MAF: variants seen among roughly 807,000 people sequenced by gnomAD.
The protein encoded by MAF is MAF bZIP transcription factor.
Under a neutral mutation model 22.0 loss-of-function variants are expected in MAF, and 10 were observed. The observed-to-expected ratio is 0.45, with a 90% CI of 0.28 to 0.77. The LOEUF (loss-of-function observed/expected upper bound fraction) is 0.77, where lower values mean the gene tolerates loss of function less well. MAF is among the 30% of genes least tolerant of loss of function. The pLI is 0.12. For missense variants in MAF, 544 were observed against 548.4 expected (o/e 0.99, Z 0.08); for synonymous variants, 337 against 255.8 (o/e 1.32, Z -3.03).
chr16:79,298,925 A>T, the MAF span, among the ~76,000 whole-genome samples: 22 of 152,338 alleles, frequency 1.4e-4, no homozygotes, highest in African/African-American at 5.1e-4. Context: ...GTTGGGAAGC[A>T]TTGTGTGGTA....
At chr16:79,505,925 G>T in the MAF span, among the ~76,000 whole-genome samples, 8 of 151,520 alleles carry the variant, frequency 5.3e-5, no homozygotes, top group Non-Finnish European at 1.2e-4. Flanking sequence ...AAAGAACAAT[G>T]GATAGAAGGA....
At chr16:79,374,597 T>C in the MAF span, among the ~76,000 whole-genome samples, 2 of 152,168 alleles carry the variant, frequency 1.3e-5, no homozygotes, top group East Asian at 1.9e-4. Flanking sequence ...GATGATGCTA[T>C]TATAGGACTG....
At chr16:79,506,606 G>A in the MAF span, among the ~76,000 whole-genome samples, 1 of 152,174 alleles carries the variant, frequency 6.6e-6, no homozygotes, top group Admixed American at 6.5e-5. Flanking sequence ...AGGGGCCAGA[G>A]AGGAAGGCCA....
the MAF span, among the ~76,000 whole-genome samples, chr16:79,464,259 G>C: frequency 9.8e-5 from 15 of 152,292 alleles, no homozygotes; most frequent in African/African-American, 3.4e-4. Context: ...CCAGAGGCCA[G>C]ACAGGTAAAT....
At chr16:79,308,486 T>A in the MAF span, among the ~76,000 whole-genome samples, 1 of 151,984 alleles carries the variant, frequency 6.6e-6, no homozygotes, top group Non-Finnish European at 1.5e-5. Flanking sequence ...GAAAAGGTAT[T>A]TGCCCCCATG....
At chr16:79,543,338 C>T in the MAF span, among the ~76,000 whole-genome samples, 1 of 152,162 alleles carries the variant, frequency 6.6e-6, no homozygotes, top group Non-Finnish European at 1.5e-5. Context: ...GACACCATGA[C>T]CCTGGTCAAG....
At chr16:79,556,064 T>A in the MAF span, among the ~76,000 whole-genome samples, 3 of 152,182 alleles carry the variant, frequency 2.0e-5, no homozygotes, top group African/African-American at 7.2e-5. Context: ...GATTTGTTTA[T>A]AATATATTTA....
the MAF span, among the ~76,000 whole-genome samples, chr16:79,483,303 A>G: frequency 8.2e-6 from 1 of 121,944 alleles, no homozygotes; most frequent in Non-Finnish European, 1.7e-5. Context: ...ACTATGCATT[A>G]AGACCTCTGT....
At chr16:79,403,739 A>G in the MAF span, among the ~76,000 whole-genome samples, 2 of 152,188 alleles carry the variant, frequency 1.3e-5, no homozygotes, top group East Asian at 1.9e-4. Flanking sequence ...GCAACCTAAC[A>G]TAGGAAAAAC....
the MAF span, among the ~76,000 whole-genome samples, chr16:79,476,928 G>A: frequency 1.8e-4 from 27 of 152,090 alleles, no homozygotes; most frequent in African/African-American, 5.8e-4. Flanking sequence ...TGAGAGTCGC[G>A]TTATCATCCA....
At chr16:79,460,372 A>G in the MAF span, among the ~76,000 whole-genome samples, 2 of 152,328 alleles carry the variant, frequency 1.3e-5, no homozygotes, top group East Asian at 3.9e-4. Flanking sequence ...TCCCGACAAT[A>G]TGTATTAAAT....
At chr16:79,476,327 G>A in the MAF span, among the ~76,000 whole-genome samples, 1 of 152,314 alleles carries the variant, frequency 6.6e-6, no homozygotes, top group African/African-American at 2.4e-5. Context: ...ATAAAACTGT[G>A]GGATAATATA....
At chr16:79,206,668 C>G in the MAF span, 14 of 151,980 alleles carry the variant, frequency 9.2e-5, no homozygotes, top group African/African-American at 3.4e-4. Context: ...CATCTCTGTT[C>G]TCGTCTGCTG....
At chr16:79,468,404 TG>T in the MAF span, among the ~76,000 whole-genome samples, 7 of 152,168 alleles carry the variant, frequency 4.6e-5, no homozygotes, top group African/African-American at 1.7e-4. Context: ...GATTAGCACT[TG>T]GGGTGTCCTC....
chr16:79,488,759 T>C, the MAF span, among the ~76,000 whole-genome samples: 3 of 152,146 alleles, frequency 2.0e-5, no homozygotes, highest in African/African-American at 7.2e-5. Flanking sequence ...GAGAATGCAG[T>C]GCACAAAGCA....
the MAF span, among the ~76,000 whole-genome samples, chr16:79,282,400 T>G: frequency 6.6e-6 from 1 of 152,178 alleles, no homozygotes; most frequent in Non-Finnish European, 1.5e-5. Flanking sequence ...GAATAACCAC[T>G]AATGTAGCAT....
downstream of MAF, among the ~76,000 whole-genome samples, chr16:79,582,551 C>T (rs1245028671): frequency 2.0e-5 from 3 of 152,140 alleles, no homozygotes; most frequent in African/African-American, 7.2e-5. Context: ...ATTAAATCGG[C>T]TCAGTAGTGG....
the MAF span, among the ~76,000 whole-genome samples, chr16:79,342,734 T>C: frequency 7.9e-5 from 12 of 152,144 alleles, no homozygotes; most frequent in South Asian, 4.2e-4. Flanking sequence ...TATTGACGCC[T>C]ACTAGAATTC....
chr16:79,350,371 C>T, the MAF span, among the ~76,000 whole-genome samples: 5 of 152,186 alleles, frequency 3.3e-5, no homozygotes, highest in Non-Finnish European at 5.9e-5. Context: ...GTTCTGACCC[C>T]AGCAATAGGA....
Sources: allele counts gnomAD v4.1 joint callset (sites outside exome capture counted in the v4.1 genomes callset), GRCh38; gene constraint gnomAD v4.1.1; transcripts MANE v1.5; gene names NCBI Gene and HGNC (gene_info 2026-07-23, HGNC 2026-07-21).